CAMKK1: variants seen among roughly 807,000 people sequenced by gnomAD.
The protein encoded by CAMKK1 is calcium/calmodulin dependent protein kinase kinase 1, also known as calcium/calmodulin-dependent protein kinase kinase 1.
A neutral mutation model predicts 63.5 loss-of-function variants in CAMKK1; 20 were observed. The observed-to-expected ratio is 0.32, with a 90% CI of 0.22 to 0.46. The LOEUF is 0.46. CAMKK1 is among the 20% of genes least tolerant of loss of function. The pLI is 1.00. For missense variants in CAMKK1, 588 were observed against 658.1 expected (o/e 0.89, Z 1.17); for synonymous variants, 253 against 269.0 (o/e 0.94, Z 0.58).
rs201476330 is a variant in CAMKK1 at position 3,880,423 on chromosome 17, T to C, written c.719A>G (p.Glu240Gly). Residue 240 changes from glutamate to glycine, a missense_variant, in exon 9 of 16, where the codon GAA becomes GGA. Coordinates refer to ENST00000348335, the MANE Select transcript of CAMKK1 (RefSeq NM_032294.3). ...CGAGAAGGGCTTGTCACAGGGCACT[T>C]CCATGACGGGCCTATGGAGAAGGAT... ...FDLLRKGPVM[E>G]VPCDKPFSEE... The C allele has an allele frequency of 7.4e-6, 12 of 1,613,434 alleles. No individual in the cohort carries two copies. The East Asian group carries it at 2.7e-4, about 36-fold the overall frequency.
chr17:3,878,712 C>G (rs1387839707), intron 9 of CAMKK1: 1 of 152,242 alleles, frequency 6.6e-6, no homozygotes, highest in African/African-American at 2.4e-5. Flanking sequence ...TCAGCCAGAT[C>G]CCCACCCTGT....
rs1403040510 is a variant in CAMKK1, at chr17:3,889,517, G to A, written c.-44+3422C>T. On this transcript the variant is annotated intron_variant, in intron 1 of 15. Transcript: ENST00000348335. This position sits in a 1 kb window ranked among gnomAD's most constrained non-coding sequence, Gnocchi z 5.2. ...TCTTGGAGCCTCTGTTTCCTAACAC[G>A]TGCATCAAGCAGAAGGCCACTGTCC... Among the ~76,000 whole-genome samples, 4 of 151,968 alleles carry A rather than the reference G, an allele frequency of 2.6e-5. No individual in the cohort carries two copies.
At chr17:3,881,054 G>A (rs1442358812) in intron 8 of CAMKK1, among the ~76,000 whole-genome samples, 1 of 152,186 alleles carries the variant, frequency 6.6e-6, no homozygotes, top group African/African-American at 2.4e-5. Context: ...GGCAGTGAGG[G>A]TCCCGGACCA....
rs1009824180 is a variant in CAMKK1, at chr17:3,883,495, A to T, written c.463-15T>A. 2.5e-6 allele frequency: 4 copies of T among 1,610,650 alleles called. No individual in the cohort carries two copies. Among genetic ancestry groups the T allele is most frequent in the Admixed American group, 1.7e-5 (1 of 60,012 alleles). On this transcript the variant is annotated splice_polypyrimidine_tract_variant and intron_variant, in intron 4 of 15. Coordinates refer to ENST00000348335, the MANE Select transcript of CAMKK1 (RefSeq NM_032294.3). The surrounding 1 kb of genome is among the most constrained non-coding windows in gnomAD (Gnocchi z 4.7). ...ACTTTCATTGCCTAAGGAAGGAGGG[A>T]CAGAAATGTCACTACTGTGCAGCCA...
chr17:3,880,317 C>T (rs772352954), intron 9 of CAMKK1, 29 bp downstream of exon 9: 2 of 1,598,816 alleles, frequency 1.3e-6, no homozygotes, highest in East Asian at 4.5e-5. Context: ...CTAGCCCCAG[C>T]CCCAGTGGGC....
In CAMKK1 at chr17:3,884,333, A is replaced by G. The variant is rs1441846907; in HGVS notation, c.408+47T>C. The G allele has an allele frequency of 1.9e-6, 3 of 1,599,472 alleles. No individual in the cohort carries two copies. In the South Asian group the frequency reaches 3.3e-5, roughly 18 times the overall value. On this transcript the variant is annotated intron_variant, in intron 3 of 15. Transcript: ENST00000348335. The surrounding 1 kb of genome is among the most constrained non-coding windows in gnomAD (Gnocchi z 4.5). ...CACACGAGAGAAGGAGCAGCGCCAA[A>G]CAGAGAATCCCGAAGCCCCCACTGC...
intron 10 of CAMKK1, 149 bp from the exon 11 acceptor site, chr17:3,873,611 C>G: frequency 1.3e-6 from 1 of 772,828 alleles, no homozygotes; most frequent in South Asian, 1.6e-5. Flanking sequence ...TTGCCCGATG[C>G]TGGGCCCCGT....
chr17:3,871,509 C>T (rs1413321070), intron 12 of CAMKK1, among the ~76,000 whole-genome samples: 2 of 150,724 alleles, frequency 1.3e-5, no homozygotes, highest in African/African-American at 2.4e-5. Context: ...CACCCGCCAC[C>T]ACGCCCGGCT....
At chr17:3,868,982 T>C (rs2054707242) in intron 14 of CAMKK1, among the ~76,000 whole-genome samples, 1 of 145,714 alleles carries the variant, frequency 6.9e-6, no homozygotes, top group Non-Finnish European at 1.5e-5. Context: ...TCTTTTTTTT[T>C]TTTTGAGACG....
Position 3,861,698 on chromosome 17 carries a change from G to A in CAMKK1, c.*513C>T, listed in dbSNP as rs866174744. 1.5e-4 allele frequency: 24 copies of A among 157,632 alleles called. No homozygotes were observed. The highest frequency in any genetic ancestry group is 3.2e-3 in the Middle Eastern group (1 of 308). 9.8% of individuals were successfully genotyped at this position (157,632 alleles called of 1,614,324 possible). A position where few individuals can be genotyped will look rare whatever the true frequency, so the allele number is the denominator to read the frequency against. ...TGGCCCTGTCCCCAGTGAGGGGTCC[G>A]AGCCCCCATACCAGCGTCTGAATAG... On this transcript the variant is annotated 3_prime_UTR_variant, in exon 16 of 16. Coordinates refer to ENST00000348335, the MANE Select transcript of CAMKK1 (RefSeq NM_032294.3).
rs921776031 is a variant in CAMKK1 at position 3,890,081 on chromosome 17, C to T, written c.-44+2858G>A. On this transcript the variant is annotated intron_variant, in intron 1 of 15. Transcript: ENST00000348335. The surrounding 1 kb of genome is among the most constrained non-coding windows in gnomAD (Gnocchi z 6.5). ...AAGGGAAAGCCGCAGAGGTGGCGGC[C>T]ACCCAGGCCAGACACAGAAGGTGGT... Among the ~76,000 whole-genome samples the T allele has an allele frequency of 6.6e-6, 1 of 152,204 alleles. No individual in the cohort carries two copies. Among genetic ancestry groups the T allele is most frequent in the Non-Finnish European group, 1.5e-5 (1 of 68,010 alleles).
In CAMKK1 at chr17:3,880,380, G is replaced by C. The variant is rs973979355; in HGVS notation, c.762C>G (p.Leu254=). ...DKPFSEEQAR[L]YLRDVILGLE... ...GGCCCAGGATGACGTCCCGCAGGTA[G>C]AGGCGAGCTTGCTCCTCCGAGAAGG... is the stretch of plus-strand genomic sequence containing the variant. Residue 254 remains leucine, a synonymous_variant, in exon 9 of 16, where the codon CTC becomes CTG. Transcript: ENST00000348335. 6.2e-7 allele frequency: 1 copy of C among 1,614,014 alleles called. No individual in the cohort carries two copies.
Position 3,885,804 on chromosome 17 carries a change from G to A in CAMKK1, c.-43-74C>T, listed in dbSNP as rs1284658122. 7.5e-6 allele frequency: 11 copies of A among 1,459,548 alleles called. No individual in the cohort carries two copies. In the Admixed American group the frequency reaches 2.1e-4, roughly 28 times the overall value. 90.4% of individuals were successfully genotyped at this position (1,459,548 alleles called of 1,614,324 possible). On this transcript the variant is annotated intron_variant, in intron 1 of 15. Coordinates refer to ENST00000348335, the MANE Select transcript of CAMKK1 (RefSeq NM_032294.3). ...TACCAGGTAAGGTAGCCACAGCGCT[G>A]TGGGTCCCACCTCCATGCCTTTGCC...
intron 8 of CAMKK1, among the ~76,000 whole-genome samples, chr17:3,881,120 C>T (rs750230184): frequency 6.6e-6 from 1 of 152,148 alleles, no homozygotes; most frequent in Non-Finnish European, 1.5e-5. Context: ...CCTGAAAAGC[C>T]GCATAGGGCA....
At chr17:3,865,392 C>T (rs1445567325) in intron 15 of CAMKK1, 4 of 991,452 alleles carry the variant, frequency 4.0e-6, no homozygotes, top group Non-Finnish European at 4.8e-6. Flanking sequence ...GGCACAGAGC[C>T]CCAGCAATGG....
In CAMKK1 at chr17:3,885,500, G is replaced by A; in HGVS notation, c.188C>T (p.Pro63Leu). ...CCTGGCTGAGAGGCTAGGCCGGGCT[G>A]GGAGCAGTCTTGAAGTACTGCCAGG... is the stretch of plus-strand genomic sequence containing the variant. ...VIPGSTSRLL[P>L]ARPSLSARKL... The change falls in exon 2 of 16, where the codon CCA becomes CTA. Residue 63 changes from proline to leucine, a missense_variant. Pro to Leu is a moderately conservative substitution (Grantham distance 98). Around this residue, in one of 3 missense-constraint regions of CAMKK1, gnomAD observed 357 missense variants for 407.4 expected, o/e 0.88. Transcript: ENST00000348335. 6.2e-7 allele frequency: 1 copy of A among 1,613,866 alleles called. No homozygotes were observed. The highest frequency in any genetic ancestry group is 8.5e-7 in the Non-Finnish European group (1 of 1,180,012).
intron 7 of CAMKK1, chr17:3,881,938 A>G: frequency 3.7e-6 from 2 of 540,074 alleles, no homozygotes; most frequent in Non-Finnish European, 6.6e-6. Context: ...AAATTTTCCT[A>G]AAGGTCATAG....
In CAMKK1 at chr17:3,868,116, AACTGATACGTGGGC is replaced by A. The variant is rs1567613136; in HGVS notation, c.1341+1357_1341+1370del. 1.0e-3 allele frequency among the ~76,000 whole-genome samples: 76 copies of A among 74,728 alleles called. 19 individuals carry two copies. The highest frequency in any genetic ancestry group is 1.9e-3 in the South Asian group (4 of 2,072). The allele number at this position is 74,728 out of a possible 152,430, so 49.0% of individuals were successfully genotyped here. A position where few individuals can be genotyped will look rare whatever the true frequency, so the allele number is the denominator to read the frequency against. ...TCTGGGGGAGAAGCAGGCGCCGTCT[AACTGATACGTGGGC>A]TCTGGGGGAGAAGCAGGCGCCGTCT... is the stretch of plus-strand genomic sequence containing the variant. On this transcript the variant is annotated intron_variant, in intron 14 of 15. Coordinates refer to ENST00000348335, the MANE Select transcript of CAMKK1 (RefSeq NM_032294.3).
intron 12 of CAMKK1, among the ~76,000 whole-genome samples, chr17:3,871,174 G>A (rs12603902): frequency 0.048 from 7,301 of 152,102 alleles, 265 homozygotes; most frequent in East Asian, 0.2. Flanking sequence ...GGGGCCTGAG[G>A]CCTGAATGAG....
Sources: allele counts gnomAD v4.1 joint callset (sites outside exome capture counted in the v4.1 genomes callset), GRCh38; gene constraint gnomAD v4.1.1; regional missense constraint gnomAD v4.1.1; non-coding constraint Gnocchi (gnomAD v3.1); transcripts MANE v1.5; gene names NCBI Gene and HGNC (gene_info 2026-07-23, HGNC 2026-07-21).